MAGI2: variants seen among roughly 807,000 people sequenced by gnomAD.
MAGI2 encodes membrane-associated guanylate kinase, WW and PDZ domain-containing protein 2.
In MAGI2, 35 loss-of-function variants were observed where a neutral mutation model predicts 133.3. That is an observed-to-expected ratio of 0.26 (90% CI 0.20 to 0.35). The LOEUF (loss-of-function observed/expected upper bound fraction) is 0.35, where lower values mean the gene tolerates loss of function less well. Among genes scored for constraint, MAGI2 ranks in the 10% least tolerant of loss-of-function variants. MAGI2 has a pLI of 1.00. For synonymous variants in MAGI2, 729 were observed against 710.6 expected (o/e 1.03, Z -0.41); for missense variants, 1,636 against 1,863.4 (o/e 0.88, Z 2.25).
intron 1 of MAGI2, among the ~76,000 whole-genome samples, chr7:79,217,910 T>G (rs1830147563): frequency 6.6e-6 from 1 of 152,010 alleles, no homozygotes; most frequent in Non-Finnish European, 1.5e-5. Context: ...ATGATAAATT[T>G]TCTTCTGTGA....
intron 1 of MAGI2, among the ~76,000 whole-genome samples, chr7:79,241,503 T>TGGGGACAG (rs1832411187): frequency 6.6e-6 from 1 of 151,884 alleles, no homozygotes; most frequent in African/African-American, 2.4e-5. Context: ...TAATAGTCTC[T>TGGGGACAG]TCCTCCCTTA....
intron 6 of MAGI2, among the ~76,000 whole-genome samples, chr7:78,383,387 A>G (rs1449924879): frequency 2.0e-5 from 3 of 151,920 alleles, no homozygotes; most frequent in South Asian, 2.1e-4. Flanking sequence ...TTTTTTACAT[A>G]TCTGTTAGTG....
At chr7:78,792,373 A>G (rs1332148191) in intron 2 of MAGI2, among the ~76,000 whole-genome samples, 1 of 152,216 alleles carries the variant, frequency 6.6e-6, no homozygotes, top group Non-Finnish European at 1.5e-5. Flanking sequence ...ACAACACCTT[A>G]TATAATTATT....
intron 3 of MAGI2, among the ~76,000 whole-genome samples, 194 bp downstream of exon 3, chr7:78,626,926 T>C (rs1277067052): frequency 6.6e-6 from 1 of 151,304 alleles, no homozygotes; most frequent in Non-Finnish European, 1.5e-5. Flanking sequence ...AAATATATAT[T>C]TTTCTCCAGG....
intron 3 of MAGI2, among the ~76,000 whole-genome samples, chr7:78,602,704 G>A (rs928879895): frequency 6.6e-6 from 1 of 152,122 alleles, no homozygotes; most frequent in African/African-American, 2.4e-5. Flanking sequence ...AGCCATGTAT[G>A]TGATTATGTG....
At chr7:78,145,685 T>G (rs757485814) in intron 16 of MAGI2, among the ~76,000 whole-genome samples, 22 of 152,194 alleles carry the variant, frequency 1.4e-4, no homozygotes, top group Non-Finnish European at 8.8e-5. Flanking sequence ...ATATTAGACT[T>G]CCCAGCCTCC....
intron 2 of MAGI2, among the ~76,000 whole-genome samples, chr7:78,933,720 A>C (rs1800307458): frequency 1.3e-5 from 2 of 152,138 alleles, no homozygotes; most frequent in South Asian, 4.1e-4. Context: ...CATGGTTAAA[A>C]TGTGTGGTGG....
intron 3 of MAGI2, among the ~76,000 whole-genome samples, chr7:78,525,637 C>T (rs1246137122): frequency 6.6e-6 from 1 of 152,204 alleles, no homozygotes; most frequent in Non-Finnish European, 1.5e-5. Flanking sequence ...CACAAACCCA[C>T]AACAATATGG....
At chr7:78,090,546 A>T (rs1294599088) in intron 20 of MAGI2, among the ~76,000 whole-genome samples, 1 of 152,202 alleles carries the variant, frequency 6.6e-6, no homozygotes, top group Non-Finnish European at 1.5e-5. Context: ...CTGTCAACTG[A>T]GGTGCCTGGC....
intron 6 of MAGI2, among the ~76,000 whole-genome samples, chr7:78,447,128 A>T (rs536229136): frequency 6.6e-6 from 1 of 152,240 alleles, no homozygotes; most frequent in Non-Finnish European, 1.5e-5. Context: ...ATACCGATAC[A>T]TGTTATCCAT....
rs191297733 is a variant in MAGI2, at chr7:78,985,795, T to C, written c.418+21295A>G. Among the ~76,000 whole-genome samples, 6 of 152,214 alleles carry C rather than the reference T, an allele frequency of 3.9e-5. No homozygotes were observed. The East Asian group carries it at 1.2e-3, about 30-fold the overall frequency. Reference sequence around the variant, plus strand: ...TGACCCAAATAAAATATTCATCTTTTAAGTCATGGCAGAATAATTAGGAGA... The same window carrying C: ...TGACCCAAATAAAATATTCATCTTTCAAGTCATGGCAGAATAATTAGGAGA... On this transcript the variant is annotated intron_variant, in intron 2 of 21. Coordinates refer to ENST00000354212, the MANE Select transcript of MAGI2 (RefSeq NM_012301.4).
chr7:78,529,971 CCA>C (rs1797324877), intron 3 of MAGI2, among the ~76,000 whole-genome samples: 1 of 151,826 alleles, frequency 6.6e-6, no homozygotes, highest in African/African-American at 2.4e-5. Flanking sequence ...TCTTCAAAAT[CCA>C]GTGTATAGTT....
At chr7:78,148,726 C>G (rs1299487272) in intron 16 of MAGI2, among the ~76,000 whole-genome samples, 1 of 152,090 alleles carries the variant, frequency 6.6e-6, no homozygotes, top group Non-Finnish European at 1.5e-5. Context: ...AGTGGTATGA[C>G]TTGCAAAGAC....
chr7:78,509,685 A>C (rs1795405142), intron 4 of MAGI2, among the ~76,000 whole-genome samples: 1 of 152,190 alleles, frequency 6.6e-6, no homozygotes, highest in African/African-American at 2.4e-5. Context: ...AAGACCAATG[A>C]TAAGTTAGAA....
intron 16 of MAGI2, among the ~76,000 whole-genome samples, chr7:78,138,642 C>T (rs773394047): frequency 0.013 from 1,866 of 148,328 alleles, 33 homozygotes; most frequent in Non-Finnish European, 0.017. Context: ...CACACACACA[C>T]ACACACACAC....
chr7:79,169,546 T>C (rs1019133782), intron 1 of MAGI2, among the ~76,000 whole-genome samples: 1 of 152,118 alleles, frequency 6.6e-6, no homozygotes, highest in East Asian at 1.9e-4. Flanking sequence ...GTCCTGTGCA[T>C]GGTCACACGC....
intron 1 of MAGI2, among the ~76,000 whole-genome samples, chr7:79,424,800 T>C (rs1847224747): frequency 1.3e-5 from 2 of 152,190 alleles, no homozygotes; most frequent in South Asian, 4.1e-4. Flanking sequence ...TTGAGTTGGA[T>C]CAGGCAAATC....
At chr7:78,238,522 G>A (rs774992059) in intron 10 of MAGI2, among the ~76,000 whole-genome samples, 3 of 144,520 alleles carry the variant, frequency 2.1e-5, no homozygotes. Flanking sequence ...GCAAAATAAC[G>A]AGAACCTGTC....
intron 1 of MAGI2, among the ~76,000 whole-genome samples, chr7:79,378,253 C>G (rs1319668439): frequency 6.7e-6 from 1 of 149,846 alleles, no homozygotes; most frequent in Non-Finnish European, 1.5e-5. Flanking sequence ...GAAATTAACA[C>G]AAGTTTCAAT....
Sources: gnomAD v4.1 joint callset for allele counts (sites outside exome capture counted in the v4.1 genomes callset) on GRCh38, gnomAD v4.1.1 for gene constraint, MANE v1.5 for transcripts, NCBI Gene and HGNC (gene_info 2026-07-23, HGNC 2026-07-21) for gene names.